Variants in LRP1B observed in about 807,000 individuals in gnomAD.
LRP1B encodes the protein low-density lipoprotein receptor-related protein 1B.
Under a neutral mutation model 556.6 loss-of-function variants are expected in LRP1B, and 217 were observed. The observed-to-expected ratio is 0.39, with a 90% CI of 0.35 to 0.44. The LOEUF is 0.44. Ranked by LOEUF, LRP1B falls within the 20% of genes least tolerant of loss-of-function variation. The pLI is 1.00. For synonymous variants in LRP1B, 2,047 were observed against 1,865.8 expected, an observed-to-expected ratio of 1.10 and a Z score of -2.50; for missense variants, 5,053 against 5,620.8, an observed-to-expected ratio of 0.90 and a Z score of 3.23.
chr2:140,830,574 A>AG (rs1376000197), intron 31 of LRP1B, among the ~76,000 whole-genome samples: 1 of 152,138 alleles, frequency 6.6e-6, no homozygotes, highest in African/African-American at 2.4e-5. Flanking sequence ...AGTACTTCTC[A>AG]GCAAACTGGG....
At chr2:140,489,699 G>T (rs1418352858) in intron 57 of LRP1B, among the ~76,000 whole-genome samples, 2 of 152,052 alleles carry the variant, frequency 1.3e-5, no homozygotes, top group Non-Finnish European at 2.9e-5. Context: ...ATGTAAATAA[G>T]TTAGGATTCT....
intron 3 of LRP1B, among the ~76,000 whole-genome samples, chr2:141,325,553 A>G (rs147853516): frequency 1.3e-5 from 2 of 152,174 alleles, no homozygotes; most frequent in East Asian, 3.9e-4. Context: ...TCTCACCCAT[A>G]TTTTTAGGTT....
chr2:140,727,821 C>G (rs1687647646), intron 35 of LRP1B, among the ~76,000 whole-genome samples: 2 of 151,960 alleles, frequency 1.3e-5, no homozygotes, highest in South Asian at 4.2e-4. Context: ...TAATAAAGAC[C>G]CAGATTCTTG....
intron 18 of LRP1B, among the ~76,000 whole-genome samples, chr2:140,964,256 G>C (rs554688567): frequency 9.0e-4 from 137 of 152,252 alleles, no homozygotes; most frequent in Middle Eastern, 3.4e-3. Context: ...AGGTGTACAG[G>C]ATGGAACATG....
At chr2:140,276,796 T>A (rs2104957137) in intron 84 of LRP1B, among the ~76,000 whole-genome samples, 1 of 152,102 alleles carries the variant, frequency 6.6e-6, no homozygotes, top group Admixed American at 6.6e-5. Context: ...GTGGATATAA[T>A]TAATTATAGA....
At chr2:140,439,286 G>A (rs1307788241) in intron 66 of LRP1B, among the ~76,000 whole-genome samples, 2 of 152,144 alleles carry the variant, frequency 1.3e-5, no homozygotes, top group Non-Finnish European at 2.9e-5. Flanking sequence ...CTTGTAATAA[G>A]CAGTGCAACA....
intron 71 of LRP1B, among the ~76,000 whole-genome samples, chr2:140,367,004 A>G (rs1682791223): frequency 6.6e-6 from 1 of 151,716 alleles, no homozygotes; most frequent in African/African-American, 2.4e-5. Flanking sequence ...TCGGAGCAAA[A>G]TGAATGGAAT....
At chr2:140,391,214 A>G (rs1412722398) in intron 66 of LRP1B, among the ~76,000 whole-genome samples, 1 of 152,212 alleles carries the variant, frequency 6.6e-6, no homozygotes, top group African/African-American at 2.4e-5. Flanking sequence ...TTAACATACA[A>G]TAAGTCAAAA....
chr2:141,802,844 G>A (rs1696052399), intron 2 of LRP1B, among the ~76,000 whole-genome samples: 1 of 152,056 alleles, frequency 6.6e-6, no homozygotes. Flanking sequence ...TAGATTAGTT[G>A]TAGATAAATG....
At chr2:141,599,072 C>G (rs1574123762) in intron 2 of LRP1B, among the ~76,000 whole-genome samples, 4 of 92,792 alleles carry the variant, frequency 4.3e-5, no homozygotes, top group African/African-American at 8.3e-5. Context: ...CCCCCCCCCC[C>G]CCGCTTTAAC....
At chr2:141,119,345 A>C (rs1352274542) in intron 7 of LRP1B, among the ~76,000 whole-genome samples, 1 of 151,934 alleles carries the variant, frequency 6.6e-6, no homozygotes, top group Non-Finnish European at 1.5e-5. Flanking sequence ...TTCCCTCTAC[A>C]GACTCTCCAA....
intron 2 of LRP1B, among the ~76,000 whole-genome samples, chr2:141,491,911 G>C (rs1209203241): frequency 2.0e-5 from 3 of 152,006 alleles, no homozygotes; most frequent in Non-Finnish European, 2.9e-5. Context: ...ATAATAAAAA[G>C]TTAGATGCAG....
intron 65 of LRP1B, among the ~76,000 whole-genome samples, chr2:140,443,886 A>C (rs560296098): frequency 2.0e-5 from 3 of 152,172 alleles, no homozygotes; most frequent in Non-Finnish European, 4.4e-5. Context: ...TTTTGCCCAG[A>C]TTTTATATGT....
chr2:140,419,657 A>G (rs573896128), intron 66 of LRP1B, among the ~76,000 whole-genome samples: 1 of 152,330 alleles, frequency 6.6e-6, no homozygotes, highest in East Asian at 1.9e-4. Context: ...AATATCCCAA[A>G]TCATTTGGAA....
intron 66 of LRP1B, among the ~76,000 whole-genome samples, chr2:140,404,430 C>T (rs1341443209): frequency 1.3e-5 from 2 of 151,840 alleles, no homozygotes; most frequent in Admixed American, 1.3e-4. Flanking sequence ...CTTCGGCCTC[C>T]CAATGTGCTG....
chr2:140,829,500 A>G (rs539259588), intron 31 of LRP1B, among the ~76,000 whole-genome samples: 5 of 152,332 alleles, frequency 3.3e-5, no homozygotes, highest in Admixed American at 6.5e-5. Flanking sequence ...ATACAAACAC[A>G]TGACAATTAA....
chr2:141,898,650 T>C (rs1699528573), intron 1 of LRP1B, among the ~76,000 whole-genome samples: 2 of 152,062 alleles, frequency 1.3e-5, no homozygotes, highest in African/African-American at 2.4e-5. Context: ...TCAGACCATA[T>C]ATGAAAGCCT....
intron 3 of LRP1B, among the ~76,000 whole-genome samples, chr2:141,346,951 G>A (rs1573838132): frequency 6.6e-6 from 1 of 151,774 alleles, no homozygotes; most frequent in Non-Finnish European, 1.5e-5. Flanking sequence ...TTAATGTTTT[G>A]TGAGAATTAT....
At chr2:140,913,886 C>G (rs145507131) in intron 21 of LRP1B, among the ~76,000 whole-genome samples, 1 of 151,992 alleles carries the variant, frequency 6.6e-6, no homozygotes, top group African/African-American at 2.4e-5. Flanking sequence ...GTTTTACATG[C>G]TGAATATTCA....
Sources: gnomAD v4.1 joint callset for allele counts (sites outside exome capture counted in the v4.1 genomes callset) on GRCh38, gnomAD v4.1.1 for gene constraint, MANE v1.5 for transcripts, NCBI Gene and HGNC (gene_info 2026-07-23, HGNC 2026-07-21) for gene names.